The following KDM4C variants were observed in gnomAD, a reference collection of about 807,000 sequenced individuals.
KDM4C encodes the protein lysine-specific demethylase 4C.
KDM4C carries 81 observed loss-of-function variants against 129.3 expected under a neutral mutation model. The observed-to-expected ratio is 0.63, with a 90% CI of 0.52 to 0.75. The LOEUF is 0.75. Ranked by LOEUF, KDM4C falls within the 30% of genes least tolerant of loss-of-function variation. The pLI, the probability that KDM4C is intolerant of heterozygous loss-of-function variation, is 0.00. For missense variants in KDM4C, 1,457 were observed against 1,304.0 expected, an observed-to-expected ratio of 1.12 and a Z score of -1.81; for synonymous variants, 573 against 456.1, an observed-to-expected ratio of 1.26 and a Z score of -3.26.
chr9:6,910,416 AC>A (rs1166368452), intron 8 of KDM4C, among the ~76,000 whole-genome samples: 1 of 152,202 alleles, frequency 6.6e-6, no homozygotes, highest in East Asian at 1.9e-4. Context: ...AAATTAAAGC[AC>A]TGAGAGGCAC....
chr9:7,081,800 A>C (rs1834550806), intron 17 of KDM4C, among the ~76,000 whole-genome samples: 1 of 152,154 alleles, frequency 6.6e-6, no homozygotes, highest in Non-Finnish European at 1.5e-5. Flanking sequence ...ATGAGTTCAG[A>C]GGGGCTAATG....
chr9:6,893,456 CT>C, intron 8 of KDM4C: 1 of 358,654 alleles, frequency 2.8e-6, no homozygotes, highest in Non-Finnish European at 5.0e-6. Flanking sequence ...GCAATTTACC[CT>C]GATAGGTAAT....
intron 3 of KDM4C, among the ~76,000 whole-genome samples, chr9:6,808,008 T>C (rs868164526): frequency 7.2e-4 from 41 of 56,754 alleles, no homozygotes; most frequent in Admixed American, 1.2e-3. Context: ...TCAGCCCCCC[T>C]GCCCGGCCAG....
chr9:7,086,140 A>G lies in KDM4C; in HGVS notation c.2425-17545A>G, dbSNP rs989726974. On this transcript the variant is annotated intron_variant, in intron 17 of 21. Coordinates refer to ENST00000381309, the MANE Select transcript of KDM4C (RefSeq NM_015061.6). ...GCCACTGCACTCCAGCCTGAGCGAC[A>G]GAGCCAGACCCCGTCTCAAAAAAAA... Among the ~76,000 whole-genome samples the G allele has an allele frequency of 1.3e-4, 20 of 152,216 alleles. 1 individual carries two copies. Among genetic ancestry groups the G allele is most frequent in the Admixed American group, 1.3e-4 (2 of 15,288 alleles).
chr9:6,981,051 C>T lies in KDM4C; in HGVS notation c.1048C>T (p.Pro350Ser). 5.0e-6 allele frequency: 8 copies of T among 1,613,738 alleles called. No homozygotes were observed. Among genetic ancestry groups the T allele is most frequent in the Non-Finnish European group, 6.8e-6 (8 of 1,179,788 alleles). ...CACCATTGATCACACGAAGCCTACT[C>T]CAGCATCCACCCCTGAAGTAAAAGC... ...IYTIDHTKPT[P>S]ASTPEVKAWL... Residue 350 changes from proline (P) to serine (S), a missense_variant, in exon 9 of 22, where the codon CCA becomes TCA. Pro to Ser is a moderately conservative substitution (Grantham distance 74). Coordinates refer to ENST00000381309, the MANE Select transcript of KDM4C (RefSeq NM_015061.6).
At chr9:6,922,209 GT>G (rs1821652106) in intron 8 of KDM4C, among the ~76,000 whole-genome samples, 1 of 152,180 alleles carries the variant, frequency 6.6e-6, no homozygotes, top group Admixed American at 6.5e-5. Context: ...CTATGTTTTT[GT>G]GAATTTCTAT....
At chr9:6,970,511 T>C (rs1253218310) in intron 8 of KDM4C, among the ~76,000 whole-genome samples, 1 of 152,180 alleles carries the variant, frequency 6.6e-6, no homozygotes, top group Non-Finnish European at 1.5e-5. Context: ...GTGCTGGACT[T>C]CCTGTTAGTT....
intron 1 of KDM4C, among the ~76,000 whole-genome samples, chr9:6,775,933 T>C (rs1822935159): frequency 6.6e-6 from 1 of 152,226 alleles, no homozygotes; most frequent in Admixed American, 6.5e-5. Context: ...ACTTGAACTC[T>C]TCCTCTTGTG....
intron 8 of KDM4C, among the ~76,000 whole-genome samples, chr9:6,941,035 C>CTT (rs34567518): frequency 2.7e-4 from 39 of 145,252 alleles, no homozygotes; most frequent in East Asian, 6.0e-4. Context: ...GCATCTCTTC[C>CTT]TTTTTTTTTT....
At position 7,103,809 on chromosome 9, in the gene KDM4C, C is replaced by G. The variant is rs779423840; in HGVS notation, c.2549C>G (p.Pro850Arg). The stretch of plus-strand genomic sequence containing the variant: ...CATGCTGCTGGGGTACTGATGGAGC[C>G]TGATGACTGGCCTTATGTGGTGAAC... ...CAHAAGVLME[P>R]DDWPYVVNIT... is the part of the protein sequence containing the mutation. The change falls in exon 18 of 22, where the codon CCT becomes CGT. Residue 850 changes from proline to arginine, a missense_variant. Transcript: ENST00000381309. The G allele has an allele frequency of 6.2e-7, 1 of 1,613,936 alleles. No homozygotes were observed. Among genetic ancestry groups the G allele is most frequent in the Non-Finnish European group, 8.5e-7 (1 of 1,179,966 alleles).
At chr9:6,844,710 TG>T in intron 4 of KDM4C, among the ~76,000 whole-genome samples, 1 of 152,210 alleles carries the variant, frequency 6.6e-6, no homozygotes, top group Admixed American at 6.5e-5. Flanking sequence ...TTTTTTGAGA[TG>T]GAGTCTCGCT....
chr9:6,836,536 T>G (rs1537369), intron 4 of KDM4C, among the ~76,000 whole-genome samples: 78,129 of 151,868 alleles, frequency 0.51, 20,749 homozygotes, highest in African/African-American at 0.64. Flanking sequence ...CCACTCTTTT[T>G]TAGTCCTTTC....
intron 17 of KDM4C, among the ~76,000 whole-genome samples, chr9:7,081,251 T>G (rs1017847486): frequency 2.6e-5 from 4 of 152,264 alleles, no homozygotes; most frequent in Admixed American, 2.0e-4. Context: ...CACGTAGATA[T>G]GGGGTGGACT....
chr9:7,137,643 C>T (rs905308161), intron 19 of KDM4C, among the ~76,000 whole-genome samples: 1 of 152,200 alleles, frequency 6.6e-6, no homozygotes, highest in African/African-American at 2.4e-5. Flanking sequence ...TTTCCTGTAG[C>T]GCATTTGTAA....
At chr9:6,971,676 C>T (rs1432592988) in intron 8 of KDM4C, among the ~76,000 whole-genome samples, 2 of 152,140 alleles carry the variant, frequency 1.3e-5, no homozygotes, top group African/African-American at 4.8e-5. Flanking sequence ...GCAAAGAAAG[C>T]TCCTTAATAT....
rs1168804109 is a variant in KDM4C, at chr9:6,986,371, C to T, written c.1382C>T (p.Thr461Ile). ...SGNSCLSTSV[T>I]EDIKTEDDKA... The stretch of plus-strand genomic sequence containing the variant: ...AACAGCTGCTTAAGTACATCTGTAA[C>T]AGAAGACATAAAAACTGAGGATGAC... The change falls in exon 11 of 22, where the codon ACA (threonine) becomes ATA (isoleucine). Residue 461 changes from threonine to isoleucine, a missense_variant. Coordinates refer to ENST00000381309, the MANE Select transcript of KDM4C (RefSeq NM_015061.6). 2 of 1,612,266 alleles carry T rather than the reference C, an allele frequency of 1.2e-6. No individual in the cohort carries two copies. Among genetic ancestry groups the T allele is most frequent in the Non-Finnish European group, 1.7e-6 (2 of 1,178,694 alleles).
chr9:6,970,927 C>T (rs966016047), intron 8 of KDM4C, among the ~76,000 whole-genome samples: 5 of 152,156 alleles, frequency 3.3e-5, no homozygotes, highest in East Asian at 3.9e-4. Flanking sequence ...TCGGCTCTAC[C>T]GTCTTCTCCC....
chr9:7,134,981 A>G (rs538313248), intron 19 of KDM4C, among the ~76,000 whole-genome samples: 2 of 152,310 alleles, frequency 1.3e-5, no homozygotes, highest in African/African-American at 2.4e-5. Context: ...AGGTCCTAGA[A>G]TTTTATTTCC....
At chr9:7,085,936 G>A (rs6477151) in intron 17 of KDM4C, among the ~76,000 whole-genome samples, 15,942 of 152,026 alleles carry the variant, frequency 0.1, 1,083 homozygotes, top group East Asian at 0.19. Flanking sequence ...CAGGTGGATC[G>A]CCTGAAGTCA....
Sources: allele counts gnomAD v4.1 joint callset (sites outside exome capture counted in the v4.1 genomes callset), GRCh38; gene constraint gnomAD v4.1.1; transcripts MANE v1.5; gene names NCBI Gene and HGNC (gene_info 2026-07-23, HGNC 2026-07-21).